Variants in TENM2 observed in about 807,000 individuals in gnomAD.
TENM2 encodes teneurin-2.
Under a neutral mutation model 245.2 loss-of-function variants are expected in TENM2, and 52 were observed. That is an observed-to-expected ratio of 0.21 (90% CI 0.17 to 0.27). The LOEUF (loss-of-function observed/expected upper bound fraction) is 0.27, where lower values mean the gene tolerates loss of function less well. Among genes scored for constraint, TENM2 ranks in the 10% least tolerant of loss-of-function variants. The pLI is 1.00. For synonymous variants in TENM2, 1,363 were observed against 1,438.9 expected, an observed-to-expected ratio of 0.95 and a Z score of 1.19; for missense variants, 3,046 against 3,666.8, an observed-to-expected ratio of 0.83 and a Z score of 4.37.
At chr5:167,709,889 G>C (rs1201951207) in intron 2 of TENM2, among the ~76,000 whole-genome samples, 1 of 152,094 alleles carries the variant, frequency 6.6e-6, no homozygotes, top group African/African-American at 2.4e-5. Context: ...GACTCTTTTT[G>C]GTTTAACTTG....
chr5:167,241,504 AAG>A, the TENM2 span, among the ~76,000 whole-genome samples: 1 of 152,218 alleles, frequency 6.6e-6, no homozygotes, highest in African/African-American at 2.4e-5. Context: ...CAGACAGGCA[AAG>A]AGAGAGGATG....
intron 2 of TENM2, among the ~76,000 whole-genome samples, chr5:167,639,928 C>T (rs1779445111): frequency 6.6e-6 from 1 of 152,176 alleles, no homozygotes; most frequent in Non-Finnish European, 1.5e-5. Flanking sequence ...TGATCTACCA[C>T]TCAGTTTATA....
At chr5:167,225,104 G>A in the TENM2 span, among the ~76,000 whole-genome samples, 4 of 151,998 alleles carry the variant, frequency 2.6e-5, no homozygotes, top group African/African-American at 9.7e-5. Flanking sequence ...GTATTTGGTA[G>A]AGTGTTTTGA....
the TENM2 span, among the ~76,000 whole-genome samples, chr5:166,988,049 A>T: frequency 3.3e-5 from 5 of 152,170 alleles, no homozygotes; most frequent in Non-Finnish European, 7.4e-5. Context: ...GCACCAGGTG[A>T]ATAGCTCTGA....
intron 12 of TENM2, among the ~76,000 whole-genome samples, chr5:168,133,453 T>G (rs1182205444): frequency 6.6e-6 from 1 of 152,246 alleles, no homozygotes; most frequent in Non-Finnish European, 1.5e-5. Context: ...TCATTACTTT[T>G]GATGCAGAAA....
chr5:168,199,972 A>G, exon 17 of TENM2: 1 of 1,614,050 alleles, frequency 6.2e-7, no homozygotes, highest in Non-Finnish European at 8.5e-7. Context: ...GACCCAGTCC[A>G]CAGTGCCCCT....
chr5:167,026,383 C>T, the TENM2 span, among the ~76,000 whole-genome samples: 1 of 152,228 alleles, frequency 6.6e-6, no homozygotes, highest in Non-Finnish European at 1.5e-5. Context: ...TGAATTGAAG[C>T]TATTCCCTTT....
At chr5:167,916,186 C>T (rs564644453) in intron 3 of TENM2, among the ~76,000 whole-genome samples, 6 of 152,280 alleles carry the variant, frequency 3.9e-5, no homozygotes, top group East Asian at 1.9e-4. Flanking sequence ...GTCAAAGAAC[C>T]GTCACTATTT....
At chr5:167,458,810 A>G (rs1049002744) in intron 2 of TENM2, among the ~76,000 whole-genome samples, 1 of 152,230 alleles carries the variant, frequency 6.6e-6, no homozygotes, top group Non-Finnish European at 1.5e-5. Context: ...AAAAGAAGTC[A>G]CAGACAGTTT....
In TENM2 at chr5:167,840,675, G is replaced by C. The variant is rs189449016; in HGVS notation, c.503-35311G>C. 6.6e-3 allele frequency among the ~76,000 whole-genome samples: 1,000 copies of C among 152,052 alleles called. 11 individuals carry two copies. Among genetic ancestry groups the C allele is most frequent in the South Asian group, 0.04 (191 of 4,796 alleles). ...TTGAAGGAGACAGGGAGCAACAACA[G>C]ACATAATCATGAGGAAGAAAAACAC... On this transcript the variant is annotated intron_variant, in intron 2 of 28. Transcript: ENST00000518659.
At chr5:168,133,846 A>G (rs1365879722) in intron 12 of TENM2, among the ~76,000 whole-genome samples, 3 of 152,246 alleles carry the variant, frequency 2.0e-5, no homozygotes, top group Non-Finnish European at 4.4e-5. Flanking sequence ...GCATGATAAC[A>G]GAGTTTTTAA....
intron 3 of TENM2, among the ~76,000 whole-genome samples, chr5:167,882,560 A>G (rs1172149806): frequency 6.6e-6 from 1 of 152,230 alleles, no homozygotes; most frequent in Non-Finnish European, 1.5e-5. Context: ...ACAGTTCTGC[A>G]TGGCTGGAAA....
intron 2 of TENM2, among the ~76,000 whole-genome samples, chr5:167,855,141 C>G (rs2151235568): frequency 6.6e-6 from 1 of 152,270 alleles, no homozygotes; most frequent in East Asian, 1.9e-4. Context: ...CAGGTGCACT[C>G]ACCTGCTTGC....
intron 12 of TENM2, among the ~76,000 whole-genome samples, chr5:168,128,436 A>C (rs1318816878): frequency 6.6e-6 from 1 of 152,178 alleles, no homozygotes; most frequent in Non-Finnish European, 1.5e-5. Flanking sequence ...CATTGCCCCA[A>C]ATCCTCCCCT....
At chr5:167,862,037 T>C (rs181844160) in intron 2 of TENM2, among the ~76,000 whole-genome samples, 14 of 152,334 alleles carry the variant, frequency 9.2e-5, no homozygotes, top group Admixed American at 2.0e-4. Flanking sequence ...TTTAGCAACA[T>C]TTCACACTCT....
chr5:168,094,193 T>A (rs184941978), intron 8 of TENM2, among the ~76,000 whole-genome samples: 186 of 152,196 alleles, frequency 1.2e-3, no homozygotes, highest in Non-Finnish European at 1.7e-3. Flanking sequence ...AAAGCCCAGA[T>A]TGAGGAAAGT....
intron 1 of TENM2, among the ~76,000 whole-genome samples, chr5:167,304,077 C>T (rs1755518581): frequency 6.6e-6 from 1 of 152,170 alleles, no homozygotes; most frequent in Non-Finnish European, 1.5e-5. Context: ...GTGCTAAATG[C>T]CCTTAAGGAC....
chr5:167,290,133 G>T (rs1444075830), intron 1 of TENM2, among the ~76,000 whole-genome samples: 1 of 152,124 alleles, frequency 6.6e-6, no homozygotes, highest in Non-Finnish European at 1.5e-5. Flanking sequence ...TAGAAAAAGA[G>T]AATCTACAAC....
At chr5:167,249,584 C>A in the TENM2 span, among the ~76,000 whole-genome samples, 1 of 152,116 alleles carries the variant, frequency 6.6e-6, no homozygotes, top group African/African-American at 2.4e-5. Flanking sequence ...ATGGTACGTT[C>A]ATTTATTAAG....
Sources: gnomAD v4.1 joint callset for allele counts (sites outside exome capture counted in the v4.1 genomes callset) on GRCh38, gnomAD v4.1.1 for gene constraint, MANE v1.5 for transcripts, NCBI Gene and HGNC (gene_info 2026-07-23, HGNC 2026-07-21) for gene names.